Variants in RTN4RL1 observed in about 807,000 individuals in gnomAD.
RTN4RL1 encodes reticulon 4 receptor like 1, also known as reticulon-4 receptor-like 1.
Under a neutral mutation model 25.6 loss-of-function variants are expected in RTN4RL1, and 7 were observed. The ratio of observed to expected loss-of-function variants is 0.27; its 90% confidence interval spans 0.16 to 0.51. The LOEUF is 0.51. RTN4RL1 is among the 20% of genes least tolerant of loss of function. The pLI is 0.97. For synonymous variants in RTN4RL1, 297 were observed against 288.2 expected, an observed-to-expected ratio of 1.03 and a Z score of -0.31; for missense variants, 500 against 615.6, an observed-to-expected ratio of 0.81 and a Z score of 1.99.
Position 1,935,858 on chromosome 17 carries a change from A to G in RTN4RL1, c.*638T>C. 1.0e-6 allele frequency: 1 copy of G among 985,000 alleles called. No homozygotes were observed. The highest frequency in any genetic ancestry group is 1.2e-6 in the Non-Finnish European group (1 of 829,738). The allele number at this position is 985,000 out of a possible 1,614,324, so 61.0% of individuals were successfully genotyped here. On this transcript the variant is annotated 3_prime_UTR_variant, in exon 2 of 2. Transcript: ENST00000331238. ...AAGTTCTAGATTTCAGCCTCTGATG[A>G]TCTTTCCTTTGGTAATTGGTTCTTG...
chr17:1,945,805 A>C (rs1915526556), intron 1 of RTN4RL1, among the ~76,000 whole-genome samples: 1 of 152,226 alleles, frequency 6.6e-6, no homozygotes, highest in Non-Finnish European at 1.5e-5. Context: ...CAGTACCCTC[A>C]GGGCCCAGAA....
Position 2,024,895 on chromosome 17 carries a change from G to A in RTN4RL1, c.-30C>T. On this transcript the variant is annotated 5_prime_UTR_variant, in exon 1 of 2. Coordinates refer to ENST00000331238, the MANE Select transcript of RTN4RL1 (RefSeq NM_178568.4). ...GCCACGGGGCCGCCGCTCCGAGGTCGGCCTAGGCGCACTCCCTCCCGGGGT... is the reference window on the plus strand; with the variant it reads ...GCCACGGGGCCGCCGCTCCGAGGTCAGCCTAGGCGCACTCCCTCCCGGGGT... 1 of 1,580,850 alleles carries A rather than the reference G, an allele frequency of 6.3e-7. No homozygotes were observed. The highest frequency in any genetic ancestry group is 8.6e-7 in the Non-Finnish European group (1 of 1,164,208).
chr17:2,007,264 C>T (rs769823587), intron 1 of RTN4RL1, among the ~76,000 whole-genome samples: 1 of 151,402 alleles, frequency 6.6e-6, no homozygotes, highest in Admixed American at 6.6e-5. Flanking sequence ...AAAACAAATG[C>T]CTCTGTACAC....
rs200787705 is a variant in RTN4RL1 at position 1,936,850 on chromosome 17, G to C, written c.972C>G (p.Ala324=). 6.3e-7 allele frequency: 1 copy of C among 1,587,478 alleles called. No homozygotes were observed. Among genetic ancestry groups the C allele is most frequent in the East Asian group, 2.2e-5 (1 of 44,622 alleles). ...KSHTLTTTDR[A]ARKEHHSPHG... ...GGGGTGAGTGGTGTTCCTTGCGGGC[G>C]GCCCTGTCGGTGGTGGTGAGCGTGT... The change falls in exon 2 of 2, where the codon GCC becomes GCG. Residue 324 remains alanine (A), a synonymous_variant. Coordinates refer to ENST00000331238, the MANE Select transcript of RTN4RL1 (RefSeq NM_178568.4).
In RTN4RL1 at chr17:1,967,528, C is replaced by T. The variant is rs143699712; in HGVS notation, c.14-29720G>A. 3.0e-4 allele frequency among the ~76,000 whole-genome samples: 45 copies of T among 152,306 alleles called. 1 individual carries two copies. In the East Asian group the frequency reaches 7.7e-3, roughly 26 times the overall value. On this transcript the variant is annotated intron_variant, in intron 1 of 1. Coordinates refer to ENST00000331238, the MANE Select transcript of RTN4RL1 (RefSeq NM_178568.4). Reference sequence around the variant, plus strand: ...CTTCACAGGCAAACTTCTCCAAAGGCCGCCTCCTCCCTGGCCTCTCCCTCT... The same window carrying T: ...CTTCACAGGCAAACTTCTCCAAAGGTCGCCTCCTCCCTGGCCTCTCCCTCT...
At chr17:1,959,975 C>G (rs1158599185) in intron 1 of RTN4RL1, among the ~76,000 whole-genome samples, 1 of 151,818 alleles carries the variant, frequency 6.6e-6, no homozygotes, top group Non-Finnish European at 1.5e-5. Flanking sequence ...ACGTTAGTAT[C>G]TAATAAGCAG....
chr17:2,023,477 G>C (rs1390619774), intron 1 of RTN4RL1: 1 of 152,252 alleles, frequency 6.6e-6, no homozygotes, highest in African/African-American at 2.4e-5. Context: ...TCACACACAA[G>C]TTTGTTACTA....
At chr17:1,983,918 C>T (rs986353540) in intron 1 of RTN4RL1, among the ~76,000 whole-genome samples, 1 of 152,162 alleles carries the variant, frequency 6.6e-6, no homozygotes, top group Non-Finnish European at 1.5e-5. Context: ...CAATCCGGAT[C>T]GGAACCCTGC....
intron 1 of RTN4RL1, among the ~76,000 whole-genome samples, chr17:2,011,775 T>C (rs529046230): frequency 2.0e-5 from 3 of 152,286 alleles, no homozygotes; most frequent in Admixed American, 2.0e-4. Flanking sequence ...TTAGGTAAGA[T>C]GATCATTGCC....
intron 1 of RTN4RL1, 32 bp downstream of exon 1, chr17:2,024,821 A>G: frequency 1.3e-6 from 2 of 1,560,638 alleles, no homozygotes; most frequent in Non-Finnish European, 8.7e-7. Flanking sequence ...GAGCGCATTC[A>G]ACTTCAACTT....
intron 1 of RTN4RL1, 142 bp from the exon 2 acceptor site, chr17:1,937,950 G>A (rs1043616857): frequency 4.1e-6 from 3 of 737,388 alleles, no homozygotes; most frequent in African/African-American, 3.5e-5. Flanking sequence ...CAAGGCCAGG[G>A]TCAAGGCCCA....
chr17:1,949,474 C>T (rs1419044521), intron 1 of RTN4RL1, among the ~76,000 whole-genome samples: 2 of 152,220 alleles, frequency 1.3e-5, no homozygotes, highest in African/African-American at 2.4e-5. Context: ...AGCTGGGAGC[C>T]TGCCTTTGAG....
At chr17:2,015,266 T>C (rs1335541026) in intron 1 of RTN4RL1, among the ~76,000 whole-genome samples, 4 of 152,028 alleles carry the variant, frequency 2.6e-5, no homozygotes, top group African/African-American at 7.2e-5. Context: ...TGGTGCCAGA[T>C]GCCATGATGG....
At chr17:2,011,201 A>AGATC (rs2067045434) in intron 1 of RTN4RL1, among the ~76,000 whole-genome samples, 1 of 152,198 alleles carries the variant, frequency 6.6e-6, no homozygotes, top group South Asian at 2.1e-4. Flanking sequence ...CTGTGAGCCA[A>AGATC]GATCGCGCCA....
intron 1 of RTN4RL1, among the ~76,000 whole-genome samples, chr17:1,973,251 G>C (rs2066828256): frequency 1.3e-5 from 2 of 151,924 alleles, no homozygotes; most frequent in Non-Finnish European, 2.9e-5. Flanking sequence ...TATAATCCCA[G>C]CTTCTTGGGA....
At chr17:2,022,467 G>A (rs1211432089) in intron 1 of RTN4RL1, among the ~76,000 whole-genome samples, 2 of 152,072 alleles carry the variant, frequency 1.3e-5, no homozygotes, top group Non-Finnish European at 2.9e-5. Context: ...TATCATTTTC[G>A]CTTGGAAACT....
At chr17:1,966,927 G>A (rs549588268) in intron 1 of RTN4RL1, among the ~76,000 whole-genome samples, 1 of 152,212 alleles carries the variant, frequency 6.6e-6, no homozygotes, top group South Asian at 2.1e-4. Flanking sequence ...CTCACCTCCA[G>A]GCCTGGCCCC....
In RTN4RL1 at chr17:1,998,553, C is replaced by T. The variant is rs1008753554; in HGVS notation, c.13+26300G>A. ...AGCGCGCAGGTCCCTGCCGGATCCCCGGCGGCTTTCCTGCCCCCACTTTAC... is the reference window on the plus strand; with the variant it reads ...AGCGCGCAGGTCCCTGCCGGATCCCTGGCGGCTTTCCTGCCCCCACTTTAC... On this transcript the variant is annotated intron_variant, in intron 1 of 1. Coordinates refer to ENST00000331238, the MANE Select transcript of RTN4RL1 (RefSeq NM_178568.4). This position sits in a 1 kb window ranked among gnomAD's most constrained non-coding sequence, Gnocchi z 4.9. Among the ~76,000 whole-genome samples, 2 of 152,104 alleles carry T rather than the reference C, an allele frequency of 1.3e-5. No individual in the cohort carries two copies. The highest frequency in any genetic ancestry group is 4.8e-5 in the African/African-American group (2 of 41,446).
intron 1 of RTN4RL1, among the ~76,000 whole-genome samples, chr17:1,990,309 G>C (rs1036374568): frequency 3.9e-5 from 6 of 152,242 alleles, no homozygotes; most frequent in Middle Eastern, 6.8e-3. Flanking sequence ...GGAGGTTGCA[G>C]TGAGCCGAGA....
Sources: allele counts gnomAD v4.1 joint callset (sites outside exome capture counted in the v4.1 genomes callset), GRCh38; gene constraint gnomAD v4.1.1; non-coding constraint Gnocchi (gnomAD v3.1); transcripts MANE v1.5; gene names NCBI Gene and HGNC (gene_info 2026-07-23, HGNC 2026-07-21).